Variants in RBFOX1 observed in about 807,000 individuals in gnomAD.
RBFOX1 encodes the protein RNA binding fox-1 homolog 1, also known as RNA binding protein fox-1 homolog 1.
A neutral mutation model predicts 57.7 loss-of-function variants in RBFOX1; 8 were observed. The observed-to-expected ratio is 0.14, with a 90% CI of 0.08 to 0.25. The LOEUF (loss-of-function observed/expected upper bound fraction) is 0.25. Among genes scored for constraint, RBFOX1 ranks in the 10% least tolerant of loss-of-function variants. RBFOX1 has a pLI of 1.00. For missense variants in RBFOX1, 611 were observed against 548.5 expected, an observed-to-expected ratio of 1.11 and a Z score of -1.14; for synonymous variants, 326 against 222.4, an observed-to-expected ratio of 1.47 and a Z score of -4.15.
chr16:5,635,178 C>A (rs772128225), intron 3 of RBFOX1, among the ~76,000 whole-genome samples: 2 of 152,310 alleles, frequency 1.3e-5, no homozygotes, highest in East Asian at 1.9e-4. Context: ...TAGTTACATT[C>A]CATTTAAAAG....
chr16:6,464,189 C>G (rs1030808146), intron 2 of RBFOX1, among the ~76,000 whole-genome samples: 1 of 152,132 alleles, frequency 6.6e-6, no homozygotes, highest in Non-Finnish European at 1.5e-5. Context: ...GAGATGCGAT[C>G]TTTACAACTT....
chr16:5,737,523 GA>G (rs1425915488), intron 3 of RBFOX1, among the ~76,000 whole-genome samples: 183 of 132,466 alleles, frequency 1.4e-3, no homozygotes, highest in African/African-American at 4.9e-3. Flanking sequence ...AAATATTCTG[GA>G]TTTTTTTTTT....
intron 4 of RBFOX1, among the ~76,000 whole-genome samples, chr16:7,263,617 G>T (rs1004259540): frequency 3.3e-5 from 5 of 152,072 alleles, no homozygotes; most frequent in African/African-American, 1.2e-4. Context: ...GTAGAAAGAG[G>T]CTGGGAACGG....
chr16:5,939,107 C>T (rs924853502), intron 4 of RBFOX1, among the ~76,000 whole-genome samples: 10 of 145,382 alleles, frequency 6.9e-5, no homozygotes, highest in South Asian at 2.3e-4. Flanking sequence ...TTGGGGGAGG[C>T]GGGAGGGATA....
chr16:6,542,201 C>G (rs2096830172), intron 2 of RBFOX1, among the ~76,000 whole-genome samples: 1 of 152,222 alleles, frequency 6.6e-6, no homozygotes, highest in South Asian at 2.1e-4. Context: ...GCTGGGATTA[C>G]AGGTGTGAGC....
chr16:5,353,203 A>G (rs914357185), intron 1 of RBFOX1, among the ~76,000 whole-genome samples: 2 of 151,984 alleles, frequency 1.3e-5, no homozygotes, highest in African/African-American at 2.4e-5. Context: ...GTGAAATCCC[A>G]TCTCTACTAA....
chr16:7,015,063 G>T (rs886399244), intron 3 of RBFOX1, among the ~76,000 whole-genome samples: 2 of 152,142 alleles, frequency 1.3e-5, no homozygotes, highest in African/African-American at 4.8e-5. Context: ...CAGGGATTCT[G>T]TTTATCTTTT....
intron 4 of RBFOX1, among the ~76,000 whole-genome samples, chr16:7,391,141 G>C (rs989212409): frequency 6.6e-6 from 1 of 152,160 alleles, no homozygotes; most frequent in South Asian, 2.1e-4. Context: ...CCACTGGAAG[G>C]TTTTAGATAG....
At chr16:5,762,743 G>T (rs2053633175) in intron 3 of RBFOX1, among the ~76,000 whole-genome samples, 1 of 152,182 alleles carries the variant, frequency 6.6e-6, no homozygotes, top group African/African-American at 2.4e-5. Flanking sequence ...ATCCTTTGCA[G>T]CCATTAAATA....
chr16:6,940,847 T>C (rs1298309403), intron 3 of RBFOX1, among the ~76,000 whole-genome samples: 1 of 53,344 alleles, frequency 1.9e-5, no homozygotes, highest in African/African-American at 1.1e-4. Context: ...CATGTCCGGC[T>C]AGTCTGTGTG....
At position 7,117,889 on chromosome 16, in the gene RBFOX1, C is replaced by A. The variant is rs973117959; in HGVS notation, c.27+65791C>A. Among the ~76,000 whole-genome samples the A allele has an allele frequency of 2.0e-5, 3 of 152,144 alleles. No homozygotes were observed. The East Asian group carries it at 5.8e-4, about 29-fold the overall frequency. ...TTTGTTGTAGCTGCAGGATTCGTGGCTGCTTGCTTCTGCACATCCAGAAAT... is the reference window on the plus strand; with the variant it reads ...TTTGTTGTAGCTGCAGGATTCGTGGATGCTTGCTTCTGCACATCCAGAAAT... On this transcript the variant is annotated intron_variant, in intron 4 of 15. Transcript: ENST00000550418.
At chr16:7,244,749 C>A (rs532886571) in intron 4 of RBFOX1, among the ~76,000 whole-genome samples, 4 of 152,268 alleles carry the variant, frequency 2.6e-5, no homozygotes, top group East Asian at 3.9e-4. Context: ...GGTATTAAAT[C>A]CAGGACCTGG....
At chr16:6,800,377 G>A (rs1207886989) in intron 3 of RBFOX1, among the ~76,000 whole-genome samples, 3 of 152,112 alleles carry the variant, frequency 2.0e-5, no homozygotes, top group African/African-American at 7.2e-5. Context: ...TTAAGGAAGT[G>A]GTTTCCTACT....
At chr16:6,198,259 A>G (rs1386170205) in intron 1 of RBFOX1, among the ~76,000 whole-genome samples, 1 of 152,204 alleles carries the variant, frequency 6.6e-6, no homozygotes, top group Non-Finnish European at 1.5e-5. Context: ...TTGAATGTGC[A>G]CACAGAAAAA....
intron 1 of RBFOX1, among the ~76,000 whole-genome samples, chr16:6,070,774 A>G (rs1397556930): frequency 1.3e-5 from 2 of 151,988 alleles, no homozygotes; most frequent in Non-Finnish European, 2.9e-5. Flanking sequence ...AGTTTCCCCA[A>G]GAAGTTAGCT....
At position 6,916,746 on chromosome 16, in the gene RBFOX1, G is replaced by A. The variant is rs117134481; in HGVS notation, c.-15-135311G>A. Among the ~76,000 whole-genome samples, 445 of 152,258 alleles carry A rather than the reference G, an allele frequency of 2.9e-3. 2 individuals carry two copies. The highest frequency in any genetic ancestry group is 5.9e-3 in the Admixed American group (91 of 15,300). On this transcript the variant is annotated intron_variant, in intron 3 of 15. Coordinates refer to ENST00000550418, the MANE Select transcript of RBFOX1 (RefSeq NM_018723.4). ...CTTGCATAAGCTCGGATTACTTCCAGCTTTTTTCTACCACCCACTTAAACT... is the reference window on the plus strand; with the variant it reads ...CTTGCATAAGCTCGGATTACTTCCAACTTTTTTCTACCACCCACTTAAACT...
intron 1 of RBFOX1, among the ~76,000 whole-genome samples, chr16:5,363,877 A>G (rs1202394229): frequency 6.6e-6 from 1 of 152,138 alleles, no homozygotes; most frequent in Non-Finnish European, 1.5e-5. Context: ...TTTTCTGCCT[A>G]GGCGTTTGCC....
At chr16:6,873,088 C>T (rs2061230264) in intron 3 of RBFOX1, among the ~76,000 whole-genome samples, 1 of 151,210 alleles carries the variant, frequency 6.6e-6, no homozygotes, top group Non-Finnish European at 1.5e-5. Context: ...GAAATATGTA[C>T]CTTGTATTTC....
intron 4 of RBFOX1, among the ~76,000 whole-genome samples, chr16:5,909,433 C>A (rs1043234469): frequency 6.6e-6 from 1 of 152,120 alleles, no homozygotes; most frequent in African/African-American, 2.4e-5. Context: ...AATAGAGAAG[C>A]CCAATATTTA....
Sources: gnomAD v4.1 joint callset for allele counts (sites outside exome capture counted in the v4.1 genomes callset) on GRCh38, gnomAD v4.1.1 for gene constraint, MANE v1.5 for transcripts, NCBI Gene and HGNC (gene_info 2026-07-23, HGNC 2026-07-21) for gene names.